TSHR: variants seen among roughly 807,000 people sequenced by gnomAD.
The protein encoded by TSHR is thyroid stimulating hormone receptor, also known as thyrotropin receptor.
TSHR carries 51 observed loss-of-function variants against 64.1 expected under a neutral mutation model. That is an observed-to-expected ratio of 0.80 (90% confidence interval 0.64 to 1.01). The LOEUF (loss-of-function observed/expected upper bound fraction) is 1.01, where lower values mean the gene tolerates loss of function less well. TSHR is among the 50% of genes least tolerant of loss of function. The pLI is 0.00. For synonymous variants in TSHR, 361 were observed against 361.9 expected (o/e 1.00, Z 0.03); for missense variants, 877 against 942.8 (o/e 0.93, Z 0.91).
intron 8 of TSHR, among the ~76,000 whole-genome samples, chr14:81,126,513 T>C (rs7143580): frequency 0.086 from 13,134 of 152,208 alleles, 719 homozygotes; most frequent in South Asian, 0.13. Context: ...ATTTGCAAAT[T>C]CATAAAATAT....
At position 81,091,103 on chromosome 14, in the gene TSHR, G is replaced by A. The variant is rs1174494193; in HGVS notation, c.427G>A (p.Asp143Asn). 8.1e-6 allele frequency: 13 copies of A among 1,611,898 alleles called. No homozygotes were observed. Among genetic ancestry groups the A allele is most frequent in the African/African-American group, 1.3e-5 (1 of 74,738 alleles). Residue 143 changes from aspartate (D) to asparagine (N), a missense_variant, in exon 5 of 10, where the codon GAC becomes AAC. Asp to Asn is a conservative substitution (Grantham distance 23). Coordinates refer to ENST00000298171, the MANE Select transcript of TSHR (RefSeq NM_000369.5). ...CAACACTGGACTTAAAATGTTCCCTGACCTGACCAAAGTTTATTCCACTGA... is the reference window on the plus strand; with the variant it reads ...CAACACTGGACTTAAAATGTTCCCTAACCTGACCAAAGTTTATTCCACTGA... ...IFNTGLKMFPDLTKVYSTDIF... is the reference protein window; with the variant it reads ...IFNTGLKMFPNLTKVYSTDIF...
intron 3 of TSHR, among the ~76,000 whole-genome samples, chr14:81,072,530 A>G (rs541503881): frequency 2.0e-5 from 3 of 152,280 alleles, no homozygotes; most frequent in African/African-American, 7.2e-5. Context: ...GAAATTAATT[A>G]ATTAATACAA....
chr14:81,032,686 A>G (rs989365670), intron 1 of TSHR: 2 of 434,928 alleles, frequency 4.6e-6, no homozygotes, highest in Non-Finnish European at 9.1e-6. Flanking sequence ...CCTGTTGGTG[A>G]TGCATACAAG....
intron 1 of TSHR, among the ~76,000 whole-genome samples, chr14:80,987,095 C>A (rs1252213967): frequency 6.6e-6 from 1 of 152,176 alleles, no homozygotes; most frequent in Non-Finnish European, 1.5e-5. Context: ...TTATCTCAAG[C>A]CTCCTGTATC....
chr14:81,063,704 G>A (rs931720342), intron 2 of TSHR, among the ~76,000 whole-genome samples: 7 of 152,088 alleles, frequency 4.6e-5, no homozygotes, highest in Non-Finnish European at 5.9e-5. Flanking sequence ...TAGGTGTTCC[G>A]TACACAGCAG....
chr14:81,061,013 C>T (rs569269622), intron 1 of TSHR, among the ~76,000 whole-genome samples: 1 of 152,184 alleles, frequency 6.6e-6, no homozygotes, highest in South Asian at 2.1e-4. Flanking sequence ...AAAAAGCAAA[C>T]TGGAGGAAAA....
At chr14:80,999,029 A>G (rs2139754792) in intron 1 of TSHR, among the ~76,000 whole-genome samples, 1 of 152,330 alleles carries the variant, frequency 6.6e-6, no homozygotes, top group South Asian at 2.1e-4. Flanking sequence ...TCTCATTGGC[A>G]TCCAATTTTG....
At chr14:81,080,372 A>G (rs1468546924) in intron 3 of TSHR, among the ~76,000 whole-genome samples, 1 of 152,208 alleles carries the variant, frequency 6.6e-6, no homozygotes, top group Non-Finnish European at 1.5e-5. Context: ...AGTTGAATCA[A>G]GTGGATGCAT....
intron 1 of TSHR, among the ~76,000 whole-genome samples, chr14:81,046,433 G>A (rs1885169363): frequency 6.6e-6 from 1 of 150,894 alleles, no homozygotes; most frequent in Non-Finnish European, 1.5e-5. Context: ...GAATACTACA[G>A]AAGAGGAAAA....
At position 81,144,023 on chromosome 14, in the gene TSHR, T is replaced by G. The variant is rs1891827982; in HGVS notation, c.1965T>G (p.Thr655=). 4 of 1,614,192 alleles carry G rather than the reference T, an allele frequency of 2.5e-6. No homozygotes were observed. The East Asian group carries it at 8.9e-5, about 36-fold the overall frequency. ...LSAILNKPLI[T]VSNSKILLVL... ...CAATTCTGAACAAGCCTCTCATCAC[T>G]GTTAGCAACTCCAAAATCTTGCTGG... is the stretch of plus-strand genomic sequence containing the variant. The change falls in exon 10 of 10, where the codon ACT becomes ACG. Residue 655 remains threonine (T), a synonymous_variant. Coordinates refer to ENST00000298171, the MANE Select transcript of TSHR (RefSeq NM_000369.5).
intron 1 of TSHR, among the ~76,000 whole-genome samples, chr14:80,966,486 A>G (rs1444920932): frequency 6.6e-6 from 1 of 152,156 alleles, no homozygotes; most frequent in Non-Finnish European, 1.5e-5. Context: ...TTAAATAAAT[A>G]TGTATTGATC....
At chr14:81,096,492 G>T in intron 6 of TSHR, 147 bp from the exon 7 acceptor site, 1 of 733,562 alleles carries the variant, frequency 1.4e-6, no homozygotes, top group Non-Finnish European at 2.4e-6. Flanking sequence ...ACTTGTACTG[G>T]AAAGTTTTCT....
At chr14:81,024,577 C>T (rs777759689) in intron 1 of TSHR, among the ~76,000 whole-genome samples, 32 of 151,956 alleles carry the variant, frequency 2.1e-4, no homozygotes, top group Non-Finnish European at 2.9e-4. Flanking sequence ...AATTCTGCAC[C>T]GACATAAAAG....
intron 3 of TSHR, among the ~76,000 whole-genome samples, chr14:81,079,408 A>G (rs978619447): frequency 1.3e-5 from 2 of 152,196 alleles, no homozygotes; most frequent in South Asian, 2.1e-4. Context: ...TGCTATGTCA[A>G]ATGAAGATGG....
At chr14:80,955,986 G>A (rs1886656462) in intron 1 of TSHR, 136 bp downstream of exon 1, 2 of 1,013,226 alleles carry the variant, frequency 2.0e-6, no homozygotes, top group African/African-American at 3.2e-5. Context: ...GAATGTCTGT[G>A]TGTGTAGATG....
intron 1 of TSHR, chr14:80,983,380 A>T: frequency 9.0e-7 from 1 of 1,113,102 alleles, no homozygotes; most frequent in Admixed American, 2.3e-5. Context: ...AAAACCAGAC[A>T]TCTTGTTTTG....
At chr14:81,097,504 T>A (rs1170229724) in intron 7 of TSHR, among the ~76,000 whole-genome samples, 1 of 152,174 alleles carries the variant, frequency 6.6e-6, no homozygotes, top group African/African-American at 2.4e-5. Flanking sequence ...ATTCTGTAGC[T>A]CTGGATTTGG....
intron 2 of TSHR, 22 bp downstream of exon 2, chr14:81,062,241 A>G: frequency 2.5e-6 from 4 of 1,572,778 alleles, no homozygotes; most frequent in Non-Finnish European, 2.6e-6. Flanking sequence ...TAATATAAAG[A>G]AAAGTTTGCA....
intron 1 of TSHR, among the ~76,000 whole-genome samples, chr14:80,984,127 A>C (rs779513951): frequency 6.6e-6 from 1 of 152,158 alleles, no homozygotes; most frequent in Non-Finnish European, 1.5e-5. Flanking sequence ...TCTCTACATA[A>C]AGGAGGCAGG....
Sources: gnomAD v4.1 joint callset for allele counts (sites outside exome capture counted in the v4.1 genomes callset) on GRCh38, gnomAD v4.1.1 for gene constraint, MANE v1.5 for transcripts, NCBI Gene and HGNC (gene_info 2026-07-23, HGNC 2026-07-21) for gene names.